The following SPOPL variants were observed in gnomAD, a reference collection of about 807,000 sequenced individuals.
SPOPL encodes speckle type BTB/POZ protein like.
In SPOPL, 23 loss-of-function variants were observed where a neutral mutation model predicts 53.8. The ratio of observed to expected loss-of-function variants is 0.43; its 90% CI spans 0.31 to 0.61. The LOEUF (loss-of-function observed/expected upper bound fraction) is 0.61. Ranked by LOEUF, SPOPL falls within the 20% of genes least tolerant of loss-of-function variation. SPOPL has a pLI of 0.12. For missense variants in SPOPL, 442 were observed against 466.9 expected (o/e 0.95, Z 0.49); for synonymous variants, 164 against 149.7 (o/e 1.10, Z -0.70).
At chr2:138,565,572 TCTTA>T (rs142441016) in intron 10 of SPOPL, among the ~76,000 whole-genome samples, 22,613 of 152,070 alleles carry the variant, frequency 0.15, 1,886 homozygotes, top group African/African-American at 0.23. Flanking sequence ...TTTTCCCTTC[TCTTA>T]CTTTTCATGA....
chr2:138,549,696 A>G (rs1685272735), intron 1 of SPOPL, among the ~76,000 whole-genome samples: 2 of 152,092 alleles, frequency 1.3e-5, no homozygotes, highest in Non-Finnish European at 2.9e-5. Context: ...GTTACATTCC[A>G]TTCTATGTTT....
intron 1 of SPOPL, among the ~76,000 whole-genome samples, chr2:138,540,410 C>G (rs1219704185): frequency 1.3e-5 from 2 of 152,282 alleles, no homozygotes; most frequent in African/African-American, 4.8e-5. Flanking sequence ...TTTGTATCCT[C>G]TTTTATTTCA....
rs1324460294 is a variant in SPOPL, at chr2:138,570,650, T to TA, written c.*1571dup. 2 of 152,202 alleles carry TA rather than the reference T, an allele frequency of 1.3e-5. No individual in the cohort carries two copies. Among genetic ancestry groups the TA allele is most frequent in the African/African-American group, 2.4e-5 (1 of 41,450 alleles). 9.4% of individuals were successfully genotyped at this position (152,202 alleles called of 1,614,324 possible). On this transcript the variant is annotated 3_prime_UTR_variant, in exon 11 of 11. Transcript: ENST00000280098. ...ATATACCTATGTTTGCAAACATAAC[T>TA]ATTCTTCAGATTAAAATTTGTATAA...
chr2:138,549,635 G>A (rs909046445), intron 1 of SPOPL, among the ~76,000 whole-genome samples: 31 of 152,114 alleles, frequency 2.0e-4, no homozygotes, highest in African/African-American at 7.0e-4. Context: ...TGAGATAGAC[G>A]TGGAGTTTTG....
chr2:138,571,436 C>T lies in SPOPL; in HGVS notation c.*2356C>T, dbSNP rs1404965137. The T allele has an allele frequency of 6.6e-6, 1 of 152,404 alleles. No homozygotes were observed. The highest frequency in any genetic ancestry group is 2.4e-5 in the African/African-American group (1 of 41,386). 9.4% of individuals were successfully genotyped at this position (152,404 alleles called of 1,614,324 possible). ...GTAGCACATTTTGTACCAAAAATGT[C>T]AAACACTGTGCTGTAAGAATATCCA... On this transcript the variant is annotated 3_prime_UTR_variant, in exon 11 of 11. Transcript: ENST00000280098.
chr2:138,534,065 C>G (rs1684874951), intron 1 of SPOPL, among the ~76,000 whole-genome samples: 1 of 151,962 alleles, frequency 6.6e-6, no homozygotes, highest in African/African-American at 2.4e-5. Context: ...AGCTTGATAG[C>G]TAACACACTT....
At chr2:138,524,437 C>T (rs1684626364) in intron 1 of SPOPL, among the ~76,000 whole-genome samples, 1 of 152,240 alleles carries the variant, frequency 6.6e-6, no homozygotes, top group African/African-American at 2.4e-5. Flanking sequence ...ACATTTGACT[C>T]CTCATTACTT....
intron 1 of SPOPL, among the ~76,000 whole-genome samples, chr2:138,516,910 C>G (rs1207040338): frequency 6.6e-6 from 1 of 152,184 alleles, no homozygotes; most frequent in African/African-American, 2.4e-5. Flanking sequence ...ACCTTATCTT[C>G]ATAATCTTTG....
At chr2:138,503,466 G>C (rs531069345) in intron 1 of SPOPL, among the ~76,000 whole-genome samples, 1 of 152,232 alleles carries the variant, frequency 6.6e-6, no homozygotes, top group Non-Finnish European at 1.5e-5. Context: ...CTGGCTTGTG[G>C]GTAGATTAAT....
At chr2:138,557,029 A>C (rs1263547452) in intron 5 of SPOPL, among the ~76,000 whole-genome samples, 1 of 151,960 alleles carries the variant, frequency 6.6e-6, no homozygotes, top group Non-Finnish European at 1.5e-5. Flanking sequence ...GGTGGCAGGC[A>C]CCTGTAGTCC....
intron 1 of SPOPL, among the ~76,000 whole-genome samples, chr2:138,531,897 ATCTTTT>A (rs1165184770): frequency 1.3e-5 from 2 of 152,080 alleles, no homozygotes; most frequent in African/African-American, 4.8e-5. Flanking sequence ...CCAGATGATA[ATCTTTT>A]AGACAGGATT....
At chr2:138,533,126 C>A (rs1264942849) in intron 1 of SPOPL, among the ~76,000 whole-genome samples, 1 of 152,134 alleles carries the variant, frequency 6.6e-6, no homozygotes, top group Admixed American at 6.6e-5. Flanking sequence ...TTCCTATTAT[C>A]CACTCAGCAA....
Position 138,526,101 on chromosome 2 carries a change from T to A in SPOPL, c.-61+23982T>A, listed in dbSNP as rs184566116. Among the ~76,000 whole-genome samples, 10 of 152,356 alleles carry A rather than the reference T, an allele frequency of 6.6e-5. No homozygotes were observed. The East Asian group carries it at 1.5e-3, about 23-fold the overall frequency. On this transcript the variant is annotated intron_variant, in intron 1 of 10. Coordinates refer to ENST00000280098, the MANE Select transcript of SPOPL (RefSeq NM_001001664.3). ...GTTAATTTTGCATCATCAAGGTATTTGCATTTTGTTCTGACTATAACTTTT... is the reference window on the plus strand; with the variant it reads ...GTTAATTTTGCATCATCAAGGTATTAGCATTTTGTTCTGACTATAACTTTT...
rs558946933 is a variant in SPOPL, at chr2:138,541,450, C to T, written c.-60-8707C>T. Among the ~76,000 whole-genome samples, 18 of 152,218 alleles carry T rather than the reference C, an allele frequency of 1.2e-4. No homozygotes were observed. The East Asian group carries it at 3.3e-3, about 28-fold the overall frequency. The stretch of plus-strand genomic sequence containing the variant: ...GTTATTGGTCTATTCAGAGATTCAA[C>T]TTCTTCCTGGTTTAGTCTTGGGAGG... On this transcript the variant is annotated intron_variant, in intron 1 of 10. Transcript: ENST00000280098.
Position 138,552,624 on chromosome 2 carries a change from T to A in SPOPL, c.423T>A (p.Phe141Leu), listed in dbSNP as rs773277246. 2.5e-6 allele frequency: 4 copies of A among 1,613,296 alleles called. No homozygotes were observed. The highest frequency in any genetic ancestry group is 3.4e-6 in the Non-Finnish European group (4 of 1,179,422). Residue 141 changes from phenylalanine to leucine, a missense_variant, in exon 5 of 11, where the codon TTT (phenylalanine) becomes TTA (leucine). Physicochemically the swap from Phe to Leu is conservative, Grantham distance 22. Coordinates refer to ENST00000280098, the MANE Select transcript of SPOPL (RefSeq NM_001001664.3). ...WGFKKFIRRD[F>L]LLDEANGLLP... ...TTAAAAAATTCATTAGAAGGGACTTTTTGCTTGATGAAGCTAATGGTCTTT... is the reference window on the plus strand; with the variant it reads ...TTAAAAAATTCATTAGAAGGGACTTATTGCTTGATGAAGCTAATGGTCTTT...
intron 8 of SPOPL, among the ~76,000 whole-genome samples, chr2:138,563,590 C>T (rs934102541): frequency 3.3e-5 from 5 of 152,150 alleles, no homozygotes; most frequent in Non-Finnish European, 5.9e-5. Flanking sequence ...AAAGACCATA[C>T]TAAGTGTTAT....
chr2:138,563,113 G>A (rs1685585828), intron 8 of SPOPL, among the ~76,000 whole-genome samples: 1 of 152,114 alleles, frequency 6.6e-6, no homozygotes, highest in Non-Finnish European at 1.5e-5. Context: ...TCAGTTATAA[G>A]AAAACAATGT....
Position 138,552,587 on chromosome 2 carries a change from A to G in SPOPL, c.386A>G (p.Lys129Arg). Residue 129 changes from lysine (K) to arginine (R), a missense_variant, in exon 5 of 11, where the codon AAG becomes AGG. Transcript: ENST00000280098. ...SQRAYRFVQG[K>R]DWGFKKFIRR... Reference sequence around the variant, plus strand: ...AGAGCATATCGATTTGTGCAAGGGAAGGACTGGGGTTTTAAAAAATTCATT... The same window carrying G: ...AGAGCATATCGATTTGTGCAAGGGAGGGACTGGGGTTTTAAAAAATTCATT... 6.2e-7 allele frequency: 1 copy of G among 1,612,844 alleles called. No homozygotes were observed. The highest frequency in any genetic ancestry group is 8.5e-7 in the Non-Finnish European group (1 of 1,179,230).
rs763990686 is a variant in SPOPL at position 138,559,068 on chromosome 2, C to T, written c.527C>T (p.Thr176Ile). Residue 176 changes from threonine (T) to isoleucine (I), a missense_variant, in exon 6 of 11, where the codon ACA (threonine) becomes ATA (isoleucine). Physicochemically the swap from Thr to Ile is moderately conservative, Grantham distance 89 (BLOSUM62 -1). Transcript: ENST00000280098. ...DSVNISGHTN[T>I]NTLKVPECRL... ...GTAAACATATCAGGACATACTAATA[C>T]AAATACTTTGAAGGTGCCTGAGTGT... 3 of 1,613,240 alleles carry T rather than the reference C, an allele frequency of 1.9e-6. 1 individual carries two copies. In the South Asian group the frequency reaches 3.3e-5, roughly 18 times the overall value.
Sources: allele counts gnomAD v4.1 joint callset (sites outside exome capture counted in the v4.1 genomes callset), GRCh38; gene constraint gnomAD v4.1.1; transcripts MANE v1.5; gene names NCBI Gene and HGNC (gene_info 2026-07-23, HGNC 2026-07-21).